The following CSMD2 variants were observed in gnomAD, a reference collection of about 807,000 sequenced individuals.
CSMD2 encodes the protein CUB and sushi domain-containing protein 2.
In CSMD2, 130 loss-of-function variants were observed where a neutral mutation model predicts 398.5. The observed-to-expected ratio is 0.33, with a 90% CI of 0.28 to 0.38. The LOEUF (loss-of-function observed/expected upper bound fraction) is 0.38. Ranked by LOEUF, CSMD2 falls within the 10% of genes least tolerant of loss-of-function variation. CSMD2 has a pLI of 1.00. For synonymous variants in CSMD2, 1,828 were observed against 1,908.5 expected (o/e 0.96, Z 1.10); for missense variants, 3,829 against 4,764.9 (o/e 0.80, Z 5.78).
chr1:33,570,679 GA>G (rs1659516989), intron 51 of CSMD2, among the ~76,000 whole-genome samples: 1 of 152,150 alleles, frequency 6.6e-6, no homozygotes, highest in Non-Finnish European at 1.5e-5. Context: ...CCAGCTGCTG[GA>G]AAACAACCCT....
intron 29 of CSMD2, among the ~76,000 whole-genome samples, chr1:33,644,278 G>C (rs970556486): frequency 6.6e-6 from 1 of 152,220 alleles, no homozygotes; most frequent in African/African-American, 2.4e-5. Flanking sequence ...GAGAAGACCT[G>C]GGGGAGAGAT....
intron 60 of CSMD2, among the ~76,000 whole-genome samples, chr1:33,539,751 G>A (rs1248507482): frequency 6.6e-6 from 1 of 152,168 alleles, no homozygotes; most frequent in African/African-American, 2.4e-5. Context: ...AGGTGGCTGA[G>A]TCCAGACTTG....
chr1:34,101,952 G>GCAAATTT (rs1367598483), intron 1 of CSMD2, among the ~76,000 whole-genome samples: 1 of 151,568 alleles, frequency 6.6e-6, no homozygotes, highest in African/African-American at 2.4e-5. Flanking sequence ...TTAATCTTTT[G>GCAAATTT]TCATATTTGT....
At chr1:33,693,088 G>C (rs1228999240) in intron 24 of CSMD2, 32 bp from the exon 25 acceptor site, 4 of 1,568,654 alleles carry the variant, frequency 2.5e-6, no homozygotes, top group Non-Finnish European at 3.4e-6. Context: ...TGAGCTTCAT[G>C]GGGTGGCCTG....
At chr1:33,847,909 AG>A (rs1638393990) in intron 5 of CSMD2, among the ~76,000 whole-genome samples, 3 of 152,180 alleles carry the variant, frequency 2.0e-5, no homozygotes, top group Admixed American at 6.5e-5. Flanking sequence ...GGCAATAACA[AG>A]CTGTCAGTAA....
chr1:33,577,148 G>A (rs150249717), intron 49 of CSMD2, 148 bp downstream of exon 49: 6 of 703,092 alleles, frequency 8.5e-6, no homozygotes, highest in South Asian at 6.7e-5. Flanking sequence ...AGATTGCTAC[G>A]CACTACAGAT....
intron 1 of CSMD2, among the ~76,000 whole-genome samples, chr1:34,110,284 G>C (rs182764211): frequency 6.2e-4 from 94 of 152,168 alleles, no homozygotes; most frequent in African/African-American, 2.2e-3. Context: ...AAAGCAGTTT[G>C]GTGATTCCTC....
chr1:33,963,368 A>C (rs1160915418), intron 3 of CSMD2, among the ~76,000 whole-genome samples: 2 of 152,234 alleles, frequency 1.3e-5, no homozygotes, highest in African/African-American at 4.8e-5. Context: ...GCTCTCTTAC[A>C]GCCTTGTTGA....
chr1:34,042,177 G>C (rs1242261840), intron 2 of CSMD2, among the ~76,000 whole-genome samples: 1 of 152,236 alleles, frequency 6.6e-6, no homozygotes, highest in Non-Finnish European at 1.5e-5. Context: ...CTGCTTGATA[G>C]AAAAACATAG....
At position 33,602,454 on chromosome 1, in the gene CSMD2, G is replaced by C. The variant is rs1337681009; in HGVS notation, c.6625C>G (p.Leu2209Val). The C allele has an allele frequency of 1.9e-6, 3 of 1,613,896 alleles. No homozygotes were observed. The African/African-American group carries it at 4.0e-5, about 22-fold the overall frequency. The change falls in exon 43 of 71, where the codon CTG (leucine) becomes GTG (valine). Residue 2209 changes from leucine to valine, a missense_variant. Physicochemically the swap from Leu to Val is conservative, Grantham distance 32. Coordinates refer to ENST00000373381, the MANE Select transcript of CSMD2 (RefSeq NM_001281956.2). ...CCATGGCCAATGGGCACGGTGATCA[G>C]CCAGACACAGTCCTGGGAGCTGGAG... ...PYSSSQDCVW[L>V]ITVPIGHGVR...
intron 3 of CSMD2, among the ~76,000 whole-genome samples, chr1:34,000,961 T>A (rs1433887844): frequency 6.4e-5 from 7 of 109,924 alleles, no homozygotes; most frequent in African/African-American, 7.3e-5. Context: ...GGAAAGGGAG[T>A]AGAAAGAGGA....
At chr1:33,556,129 T>A (rs1217253827) in intron 55 of CSMD2, among the ~76,000 whole-genome samples, 4 of 152,260 alleles carry the variant, frequency 2.6e-5, no homozygotes, top group African/African-American at 9.6e-5. Flanking sequence ...AAAACAAGCA[T>A]TGGGACAAAA....
At chr1:33,975,903 C>T (rs1311062071) in intron 3 of CSMD2, among the ~76,000 whole-genome samples, 1 of 152,356 alleles carries the variant, frequency 6.6e-6, no homozygotes, top group East Asian at 1.9e-4. Flanking sequence ...TGCCTCTAAG[C>T]ATGGCTAATG....
At chr1:34,109,224 G>C (rs1164594826) in intron 1 of CSMD2, among the ~76,000 whole-genome samples, 1 of 152,202 alleles carries the variant, frequency 6.6e-6, no homozygotes, top group African/African-American at 2.4e-5. Context: ...TTCAGCAGAC[G>C]TGTTGCTCAT....
chr1:33,592,677 C>T lies in CSMD2; in HGVS notation c.6857-5509G>A, dbSNP rs180816188. 1.4e-3 allele frequency among the ~76,000 whole-genome samples: 220 copies of T among 152,262 alleles called. 1 individual carries two copies. Among genetic ancestry groups the T allele is most frequent in the Non-Finnish European group, 2.7e-3 (185 of 68,016 alleles). On this transcript the variant is annotated intron_variant, in intron 44 of 70. Coordinates refer to ENST00000373381, the MANE Select transcript of CSMD2 (RefSeq NM_001281956.2). Reference sequence around the variant, plus strand: ...TAAAAATTATCATGACGGCCGGGCGCGGTGGCTCACACCTATAATCCCAGC... The same window carrying T: ...TAAAAATTATCATGACGGCCGGGCGTGGTGGCTCACACCTATAATCCCAGC...
chr1:34,149,446 C>T (rs1184710635), intron 1 of CSMD2, among the ~76,000 whole-genome samples: 1 of 152,156 alleles, frequency 6.6e-6, no homozygotes. Context: ...AAGAAAACGG[C>T]ATTTCAGTGC....
chr1:33,544,819 A>G (rs1283056723), intron 57 of CSMD2, among the ~76,000 whole-genome samples: 2 of 144,178 alleles, frequency 1.4e-5, no homozygotes, highest in African/African-American at 5.3e-5. Context: ...CCCTGACTTG[A>G]CCACTGTGCA....
intron 19 of CSMD2, among the ~76,000 whole-genome samples, chr1:33,722,627 T>C (rs1388819478): frequency 4.6e-5 from 7 of 152,220 alleles, no homozygotes; most frequent in African/African-American, 1.7e-4. Flanking sequence ...CTCCTAAAAA[T>C]TTTAAAGAAC....
chr1:34,036,069 G>T (rs1303160810), intron 2 of CSMD2, among the ~76,000 whole-genome samples: 1 of 151,832 alleles, frequency 6.6e-6, no homozygotes, highest in African/African-American at 2.4e-5. Context: ...AATGCTGGTA[G>T]AAATGCAAAA....
Sources: allele counts gnomAD v4.1 joint callset (sites outside exome capture counted in the v4.1 genomes callset), GRCh38; gene constraint gnomAD v4.1.1; transcripts MANE v1.5; gene names NCBI Gene and HGNC (gene_info 2026-07-23, HGNC 2026-07-21).